Variants in MEGF9 observed in about 807,000 individuals in gnomAD.
MEGF9 encodes the protein multiple epidermal growth factor-like domains protein 9.
Under a neutral mutation model 46.8 loss-of-function variants are expected in MEGF9, and 6 were observed. That is an observed-to-expected ratio of 0.13 (90% CI 0.07 to 0.25). MEGF9 has a LOEUF of 0.25. Ranked by LOEUF, MEGF9 falls within the 10% of genes least tolerant of loss-of-function variation. MEGF9 has a pLI of 1.00. For synonymous variants in MEGF9, 302 were observed against 330.7 expected, an observed-to-expected ratio of 0.91 and a Z score of 0.94; for missense variants, 683 against 792.4, an observed-to-expected ratio of 0.86 and a Z score of 1.66.
chr9:120,711,420 A>C (rs1171467179), intron 1 of MEGF9, among the ~76,000 whole-genome samples: 1 of 152,242 alleles, frequency 6.6e-6, no homozygotes, highest in Non-Finnish European at 1.5e-5. Context: ...ATTTTTTAAA[A>C]TCTATTTTTA....
At chr9:120,639,346 T>C (rs1320984462) in intron 2 of MEGF9, among the ~76,000 whole-genome samples, 1 of 151,514 alleles carries the variant, frequency 6.6e-6, no homozygotes, top group African/African-American at 2.4e-5. Context: ...CTGTCTCCAC[T>C]AAAAATACCA....
chr9:120,685,830 T>C (rs774642638), intron 1 of MEGF9, among the ~76,000 whole-genome samples: 7 of 152,142 alleles, frequency 4.6e-5, no homozygotes, highest in East Asian at 1.9e-4. Context: ...CATATGTCTA[T>C]TGATGGATAA....
At chr9:120,688,872 T>C (rs1315719179) in intron 1 of MEGF9, among the ~76,000 whole-genome samples, 1 of 152,136 alleles carries the variant, frequency 6.6e-6, no homozygotes, top group African/African-American at 2.4e-5. Flanking sequence ...GATAGAAAAA[T>C]ATGCAGAGCA....
At chr9:120,624,086 T>C (rs896965187) in intron 2 of MEGF9, among the ~76,000 whole-genome samples, 11 of 152,162 alleles carry the variant, frequency 7.2e-5, no homozygotes, top group African/African-American at 2.7e-4. Flanking sequence ...CTGAAGTGGG[T>C]TTTCCCTTAA....
At chr9:120,646,545 G>A (rs959255350) in intron 2 of MEGF9, among the ~76,000 whole-genome samples, 3 of 152,064 alleles carry the variant, frequency 2.0e-5, no homozygotes, top group African/African-American at 7.2e-5. Context: ...CTTCAAAGCT[G>A]GGATCAAAAG....
rs929951728 is a variant in MEGF9, at chr9:120,689,599, T to C, written c.601+24159A>G. Among the ~76,000 whole-genome samples the C allele has an allele frequency of 3.3e-5, 5 of 152,144 alleles. No homozygotes were observed. In the East Asian group the frequency reaches 7.7e-4, roughly 23 times the overall value. ...CAGAAAAATAAATGCCAAGAGCATG[T>C]GCATGTTATTATGACCACAGGATAT... On this transcript the variant is annotated intron_variant, in intron 1 of 5. Transcript: ENST00000373930.
At chr9:120,647,187 T>A (rs746327526) in intron 2 of MEGF9, among the ~76,000 whole-genome samples, 1 of 151,854 alleles carries the variant, frequency 6.6e-6, no homozygotes, top group Non-Finnish European at 1.5e-5. Context: ...GATATCTAGT[T>A]AATGATTAGA....
At chr9:120,689,829 C>T (rs1276848749) in intron 1 of MEGF9, 1 of 436,578 alleles carries the variant, frequency 2.3e-6, no homozygotes, top group Non-Finnish European at 4.8e-6. Flanking sequence ...CACCTAAAGT[C>T]ATTATGCTCT....
intron 2 of MEGF9, among the ~76,000 whole-genome samples, chr9:120,636,914 C>G (rs988727646): frequency 1.6e-4 from 25 of 152,050 alleles, no homozygotes; most frequent in Non-Finnish European, 5.9e-5. Context: ...TCTGCCCGGC[C>G]GCCACCCCGT....
intron 2 of MEGF9, among the ~76,000 whole-genome samples, chr9:120,623,248 A>T (rs746053266): frequency 6.6e-6 from 1 of 152,188 alleles, no homozygotes; most frequent in Non-Finnish European, 1.5e-5. Flanking sequence ...TGGTACAAGA[A>T]ATTTGTCTGC....
Position 120,699,556 on chromosome 9 carries a change from AT to A in MEGF9, c.601+14201del, listed in dbSNP as rs922398440. ...AATATAGCGAGACTGCATGTCTACAATTTTTTTTTTTTTTAAATTAGCTGAG... is the reference window on the plus strand; with the variant it reads ...AATATAGCGAGACTGCATGTCTACAATTTTTTTTTTTTTAAATTAGCTGAG... On this transcript the variant is annotated intron_variant, in intron 1 of 5. Transcript: ENST00000373930. Among the ~76,000 whole-genome samples, 339 of 144,972 alleles carry A rather than the reference AT, an allele frequency of 2.3e-3. 1 individual carries two copies. The highest frequency in any genetic ancestry group is 3.6e-3 in the Middle Eastern group (1 of 280).
At chr9:120,685,243 C>T (rs547897182) in intron 1 of MEGF9, among the ~76,000 whole-genome samples, 11 of 152,330 alleles carry the variant, frequency 7.2e-5, no homozygotes, top group African/African-American at 2.4e-4. Flanking sequence ...TCCTGACATA[C>T]TCCTAACCTG....
chr9:120,651,722 G>A lies in MEGF9; in HGVS notation c.803+7652C>T, dbSNP rs575245276. ...GGCTGGAGTGCAATGGCATGATCTC[G>A]GCACACTGCAACCTCCGCCTCCCCG... is the stretch of plus-strand genomic sequence containing the variant. On this transcript the variant is annotated intron_variant, in intron 2 of 5. Coordinates refer to ENST00000373930, the MANE Select transcript of MEGF9 (RefSeq NM_001080497.3). Among the ~76,000 whole-genome samples the A allele has an allele frequency of 1.3e-4, 20 of 149,576 alleles. No homozygotes were observed. The South Asian group carries it at 3.0e-3, about 22-fold the overall frequency.
intron 2 of MEGF9, among the ~76,000 whole-genome samples, chr9:120,652,216 T>G (rs1587984841): frequency 1.1e-4 from 13 of 113,614 alleles, no homozygotes; most frequent in South Asian, 3.0e-4. Context: ...TCAGGCATGG[T>G]GGCTCCTGCC....
At chr9:120,704,987 T>G (rs915681701) in intron 1 of MEGF9, among the ~76,000 whole-genome samples, 1 of 144,996 alleles carries the variant, frequency 6.9e-6, no homozygotes, top group Non-Finnish European at 1.5e-5. Context: ...AGTTCTTGAT[T>G]TTTTTTTAGA....
intron 1 of MEGF9, among the ~76,000 whole-genome samples, chr9:120,687,681 T>C (rs2132336347): frequency 6.7e-6 from 1 of 148,860 alleles, no homozygotes; most frequent in East Asian, 2.0e-4. Context: ...TGTGTGTGTG[T>C]GTGTGTGTGT....
At chr9:120,632,787 GT>G (rs2043556557) in intron 2 of MEGF9, among the ~76,000 whole-genome samples, 1 of 152,026 alleles carries the variant, frequency 6.6e-6, no homozygotes, top group East Asian at 1.9e-4. Context: ...TTTTTTGAGT[GT>G]TTTTATCACG....
In MEGF9 at chr9:120,608,148, G is replaced by A. The variant is rs1042712250; in HGVS notation, c.1088-138C>T. ...GTGGAAGGATCGCTTGAGCCCAGGAGTTTGAGACCAGCCTGGGCAACATGA... is the reference window on the plus strand; with the variant it reads ...GTGGAAGGATCGCTTGAGCCCAGGAATTTGAGACCAGCCTGGGCAACATGA... On this transcript the variant is annotated intron_variant, in intron 4 of 5. Coordinates refer to ENST00000373930, the MANE Select transcript of MEGF9 (RefSeq NM_001080497.3). 1.2e-5 allele frequency: 11 copies of A among 932,328 alleles called. 1 individual carries two copies. The South Asian group carries it at 1.5e-4, about 13-fold the overall frequency. 57.8% of individuals were successfully genotyped at this position (932,328 alleles called of 1,614,324 possible).
At chr9:120,636,913 C>G (rs1332616008) in intron 2 of MEGF9, among the ~76,000 whole-genome samples, 25 of 152,284 alleles carry the variant, frequency 1.6e-4, no homozygotes, top group Non-Finnish European at 5.9e-5. Context: ...CTCTGCCCGG[C>G]CGCCACCCCG....
Sources: gnomAD v4.1 joint callset for allele counts (sites outside exome capture counted in the v4.1 genomes callset) on GRCh38, gnomAD v4.1.1 for gene constraint, MANE v1.5 for transcripts, NCBI Gene and HGNC (gene_info 2026-07-23, HGNC 2026-07-21) for gene names.